MACF1: variants seen among roughly 807,000 people sequenced by gnomAD.
The protein encoded by MACF1 is microtubule-actin cross-linking factor 1.
In MACF1, 193 loss-of-function variants were observed where a neutral mutation model predicts 854.8. That is an observed-to-expected ratio of 0.23 (90% CI 0.20 to 0.25). The LOEUF (loss-of-function observed/expected upper bound fraction) is 0.25. Among genes scored for constraint, MACF1 ranks in the 10% least tolerant of loss-of-function variants. The pLI, the probability that MACF1 is intolerant of heterozygous loss-of-function variation, is 1.00. For synonymous variants in MACF1, 3,185 were observed against 3,226.7 expected, an observed-to-expected ratio of 0.99 and a Z score of 0.44; for missense variants, 7,722 against 8,929.1, an observed-to-expected ratio of 0.86 and a Z score of 5.45.
At chr1:39,452,411 C>A in intron 86 of MACF1, 61 bp downstream of exon 86, 4 of 1,497,046 alleles carry the variant, frequency 2.7e-6, no homozygotes, top group Non-Finnish European at 3.6e-6. Flanking sequence ...TTTGGTTTTT[C>A]TTTTACTAGA....
At chr1:39,085,581 A>C (rs1386398819) in intron 2 of MACF1, among the ~76,000 whole-genome samples, 2 of 152,194 alleles carry the variant, frequency 1.3e-5, no homozygotes, top group Non-Finnish European at 2.9e-5. Flanking sequence ...TGACTAATAG[A>C]GTATTTTTTT....
At chr1:39,320,408 CA>C in intron 31 of MACF1, among the ~76,000 whole-genome samples, 1 of 151,812 alleles carries the variant, frequency 6.6e-6, no homozygotes, top group East Asian at 1.9e-4. Context: ...TTCTGCATGC[CA>C]AAAAGAGGAA....
rs1646767166 is a variant in MACF1 at position 39,333,776 on chromosome 1, A to C, written c.7188A>C (p.Glu2396Asp). ...DAVTVGLLDKETATRILERQV... is the reference protein window; with the variant it reads ...DAVTVGLLDKDTATRILERQV... ...TTACAGTTGGACTTCTTGACAAGGA[A>C]ACAGCCACCAGAATTTTAGAGAGGC... Residue 2396 changes from glutamate to aspartate, a missense_variant, in exon 37 of 101, where the codon GAA (glutamate) becomes GAC (aspartate). Glu to Asp is a conservative substitution (Grantham distance 45, BLOSUM62 2). Coordinates refer to ENST00000564288, the MANE Select transcript of MACF1 (RefSeq NM_001394062.1). 2 of 1,614,094 alleles carry C rather than the reference A, an allele frequency of 1.2e-6. No homozygotes were observed. Among genetic ancestry groups the C allele is most frequent in the African/African-American group, 2.7e-5 (2 of 74,938 alleles).
intron 6 of MACF1, among the ~76,000 whole-genome samples, chr1:39,273,621 C>T (rs974961358): frequency 2.0e-5 from 3 of 151,384 alleles, no homozygotes; most frequent in African/African-American, 4.9e-5. Flanking sequence ...TTTTTTGAGA[C>T]GGAGTCTTGC....
intron 6 of MACF1, among the ~76,000 whole-genome samples, chr1:39,264,697 C>T (rs1645210007): frequency 2.1e-5 from 3 of 144,650 alleles, no homozygotes; most frequent in Middle Eastern, 3.4e-3. Flanking sequence ...GACGGAGTCT[C>T]GCTCTGTCGC....
intron 1 of MACF1, among the ~76,000 whole-genome samples, chr1:39,221,633 C>T (rs1309676025): frequency 6.6e-6 from 1 of 152,210 alleles, no homozygotes; most frequent in Non-Finnish European, 1.5e-5. Context: ...CCATTCCTTA[C>T]CCGCCACCAC....
rs1341014694 is a variant in MACF1, at chr1:39,105,046, A to G, written c.220+20608A>G. 6.6e-6 allele frequency among the ~76,000 whole-genome samples: 1 copy of G among 152,078 alleles called. No individual in the cohort carries two copies. The highest frequency in any genetic ancestry group is 2.4e-5 in the African/African-American group (1 of 41,422). On this transcript the variant is annotated intron_variant, in intron 2 of 93. Transcript: ENST00000361689. This position sits in a 1 kb window ranked among gnomAD's most constrained non-coding sequence, Gnocchi z 5.9. ...ACTGGGGCTCCCGCTCGCCCTGTGG[A>G]GCCGGCCCGGGTCTCCCTGCCGTTC...
intron 51 of MACF1, among the ~76,000 whole-genome samples, chr1:39,371,229 A>G (rs543169934): frequency 2.0e-5 from 3 of 151,472 alleles, no homozygotes; most frequent in African/African-American, 7.3e-5. Flanking sequence ...TGAGGCAGAG[A>G]ATTGCTTGAA....
At chr1:39,403,809 C>T (rs1179036551) in intron 58 of MACF1, among the ~76,000 whole-genome samples, 2 of 148,812 alleles carry the variant, frequency 1.3e-5, no homozygotes, top group African/African-American at 2.6e-5. Flanking sequence ...GTGAGCATCC[C>T]GTCCCAAAGT....
At chr1:39,316,743 T>C (rs114468542) in intron 28 of MACF1, among the ~76,000 whole-genome samples, 2 of 152,358 alleles carry the variant, frequency 1.3e-5, no homozygotes, top group Middle Eastern at 3.4e-3. Flanking sequence ...GGTTTTTCTA[T>C]TTATTTTTTC....
At chr1:39,313,479 T>C (rs1458546313) in intron 26 of MACF1, among the ~76,000 whole-genome samples, 1 of 152,172 alleles carries the variant, frequency 6.6e-6, no homozygotes, top group Non-Finnish European at 1.5e-5. Context: ...ATAAAAAACA[T>C]GTACATTCTA....
At position 39,386,107 on chromosome 1, in the gene MACF1, A is replaced by C. The variant is rs577242844; in HGVS notation, c.14344+178A>C. Among the ~76,000 whole-genome samples the C allele has an allele frequency of 7.4e-4, 112 of 152,320 alleles. 5 individuals carry two copies. In the South Asian group the frequency reaches 0.021, roughly 29 times the overall value. On this transcript the variant is annotated intron_variant, in intron 57 of 100. Transcript: ENST00000564288. Reference sequence around the variant, plus strand: ...GAACTGTTGTAGTTGTTACACAGTGAACACTTAAAAATGTGAAGGTTTACA... The same window carrying C: ...GAACTGTTGTAGTTGTTACACAGTGCACACTTAAAAATGTGAAGGTTTACA...
chr1:39,416,545 A>G (rs1643319620), intron 58 of MACF1, among the ~76,000 whole-genome samples: 1 of 152,222 alleles, frequency 6.6e-6, no homozygotes, highest in Non-Finnish European at 1.5e-5. Context: ...AGCAGTAATC[A>G]TGAAATATAA....
At chr1:39,201,641 C>G (rs745758726), upstream of MACF1, among the ~76,000 whole-genome samples, 25 of 152,006 alleles carry the variant, frequency 1.6e-4, no homozygotes, top group Non-Finnish European at 3.2e-4. Flanking sequence ...CGTGATTCAC[C>G]GCGCCAGGCT....
chr1:39,447,120 C>G (rs138704170), intron 80 of MACF1, among the ~76,000 whole-genome samples: 26 of 152,274 alleles, frequency 1.7e-4, no homozygotes, highest in African/African-American at 5.5e-4. Context: ...ACTAAAGGGT[C>G]TGTTCACTTA....
intron 2 of MACF1, among the ~76,000 whole-genome samples, chr1:39,108,049 A>G: frequency 7.1e-6 from 1 of 140,422 alleles, no homozygotes; most frequent in East Asian, 2.1e-4. Context: ...CTTGGCAACC[A>G]TTTTTTTTTT....
At position 39,105,635 on chromosome 1, in the gene MACF1, C is replaced by T. The variant is rs1464550461; in HGVS notation, c.220+21197C>T. On this transcript the variant is annotated intron_variant, in intron 2 of 93. Coordinates refer to the MACF1 transcript ENST00000361689. This position sits in a 1 kb window ranked among gnomAD's most constrained non-coding sequence, Gnocchi z 5.9. ...CGGTGCGGGCGGCCATGGCCGGCTACGTGCCGGGTCAGCAGCCGGCCAACC... is the reference window on the plus strand; with the variant it reads ...CGGTGCGGGCGGCCATGGCCGGCTATGTGCCGGGTCAGCAGCCGGCCAACC... The T allele has an allele frequency of 1.6e-6, 2 of 1,231,748 alleles. No individual in the cohort carries two copies. Among genetic ancestry groups the T allele is most frequent in the Non-Finnish European group, 1.0e-6 (1 of 960,210 alleles). The allele number at this position is 1,231,748 out of a possible 1,614,324, so 76.3% of individuals were successfully genotyped here.
rs56799242 is a variant in MACF1, at chr1:39,417,713, A to ATTT, written c.15817-4627_15817-4625dup. The stretch of plus-strand genomic sequence containing the variant: ...AGGAATGTGCCACCACACCCAGTTA[A>ATTT]TTTTTTTTTTTTTTTTTTTTTTTTT... On this transcript the variant is annotated intron_variant, in intron 58 of 100. Coordinates refer to ENST00000564288, the MANE Select transcript of MACF1 (RefSeq NM_001394062.1). Among the ~76,000 whole-genome samples the ATTT allele has an allele frequency of 5.6e-4, 31 of 55,828 alleles. 4 individuals are homozygous for ATTT. The highest frequency in any genetic ancestry group is 1.7e-3 in the East Asian group (4 of 2,312). 36.6% of individuals were successfully genotyped at this position (55,828 alleles called of 152,430 possible). A position where few individuals can be genotyped will look rare whatever the true frequency, so the allele number is the denominator to read the frequency against.
At position 39,205,099 on chromosome 1, in the gene MACF1, T is replaced by A. The variant is rs1183463862; in HGVS notation, c.77T>A (p.Leu26Gln). Reference sequence around the variant, plus strand: ...CACGTTCTTGGAGTTGCTGGTGTTCTATACTGGAAGAGGCATGCCAGAGGT... The same window carrying A: ...CACGTTCTTGGAGTTGCTGGTGTTCAATACTGGAAGAGGCATGCCAGAGGT... The part of the protein sequence containing the change: ...LTHVLGVAGV[L>Q]YWKRHARGRA... The change falls in exon 1 of 101, where the codon CTA (leucine) becomes CAA (glutamine). Residue 26 changes from leucine (L) to glutamine (Q), a missense_variant. Coordinates refer to ENST00000564288, the MANE Select transcript of MACF1 (RefSeq NM_001394062.1). 1.4e-6 allele frequency: 1 copy of A among 703,034 alleles called. No individual in the cohort carries two copies. Among genetic ancestry groups the A allele is most frequent in the East Asian group, 2.7e-5 (1 of 37,288 alleles). The allele number at this position is 703,034 out of a possible 1,614,324, so 43.5% of individuals were successfully genotyped here.
Sources: allele counts gnomAD v4.1 joint callset (sites outside exome capture counted in the v4.1 genomes callset), GRCh38; gene constraint gnomAD v4.1.1; non-coding constraint Gnocchi (gnomAD v3.1); transcripts MANE v1.5; gene names NCBI Gene and HGNC (gene_info 2026-07-23, HGNC 2026-07-21).